ZDHHC3: variants seen among roughly 807,000 people sequenced by gnomAD.
The protein encoded by ZDHHC3 is palmitoyltransferase ZDHHC3.
In ZDHHC3, 9 loss-of-function variants were observed where a neutral mutation model predicts 30.6. That is an observed-to-expected ratio of 0.29 (90% confidence interval 0.18 to 0.51). The LOEUF is 0.51. Ranked by LOEUF, ZDHHC3 falls within the 20% of genes least tolerant of loss-of-function variation. The pLI is 0.97. For missense variants in ZDHHC3, 246 were observed against 384.2 expected, an observed-to-expected ratio of 0.64 and a Z score of 3.01; for synonymous variants, 136 against 140.2, an observed-to-expected ratio of 0.97 and a Z score of 0.21.
At chr3:44,939,313 A>G (rs1176052106) in intron 3 of ZDHHC3, among the ~76,000 whole-genome samples, 1 of 152,230 alleles carries the variant, frequency 6.6e-6, no homozygotes, top group Non-Finnish European at 1.5e-5. Context: ...GTATACATGC[A>G]GAATATATAT....
chr3:44,958,277 C>T (rs1304877618), intron 2 of ZDHHC3, among the ~76,000 whole-genome samples: 1 of 152,170 alleles, frequency 6.6e-6, no homozygotes, highest in Non-Finnish European at 1.5e-5. Flanking sequence ...GAGACAAGAA[C>T]TAGCTCAGGC....
chr3:44,953,174 T>A lies in ZDHHC3; in HGVS notation c.306+5957A>T, dbSNP rs931020243. Among the ~76,000 whole-genome samples, 3 of 152,206 alleles carry A rather than the reference T, an allele frequency of 2.0e-5. No homozygotes were observed. The South Asian group carries it at 6.2e-4, about 31-fold the overall frequency. On this transcript the variant is annotated intron_variant, in intron 2 of 6. Coordinates refer to ENST00000424952, the MANE Select transcript of ZDHHC3 (RefSeq NM_001135179.2). ...GTAACAAAGGCAGGGAAGTCAAGCA[T>A]CTTCCCAAGGTAACACAGCTAATAA...
At chr3:44,953,053 G>A (rs1238945045) in intron 2 of ZDHHC3, among the ~76,000 whole-genome samples, 1 of 152,212 alleles carries the variant, frequency 6.6e-6, no homozygotes, top group African/African-American at 2.4e-5. Context: ...GCCAGGCATA[G>A]TTCCAAATGC....
chr3:44,940,851 G>A (rs965302322), intron 3 of ZDHHC3, among the ~76,000 whole-genome samples: 13 of 152,182 alleles, frequency 8.5e-5, no homozygotes, highest in African/African-American at 2.4e-4. Flanking sequence ...GGAGCTGGCC[G>A]AGGCTCTCTT....
intron 1 of ZDHHC3, among the ~76,000 whole-genome samples, chr3:44,967,000 C>T (rs1705009085): frequency 6.6e-6 from 1 of 151,988 alleles, no homozygotes; most frequent in Non-Finnish European, 1.5e-5. Flanking sequence ...TTGCTACCAA[C>T]AAGTCTACAC....
chr3:44,961,098 G>C (rs72863194), intron 1 of ZDHHC3, among the ~76,000 whole-genome samples: 2 of 152,320 alleles, frequency 1.3e-5, no homozygotes, highest in South Asian at 2.1e-4. Flanking sequence ...CATAGAGATA[G>C]AATAACCATC....
intron 1 of ZDHHC3, among the ~76,000 whole-genome samples, chr3:44,961,620 C>A (rs1486595641): frequency 6.6e-6 from 1 of 152,166 alleles, no homozygotes; most frequent in African/African-American, 2.4e-5. Context: ...CTGACCTGTG[C>A]CCAGCAAATT....
intron 2 of ZDHHC3, among the ~76,000 whole-genome samples, chr3:44,945,800 G>A (rs1055594406): frequency 4.0e-5 from 6 of 151,878 alleles, no homozygotes; most frequent in Non-Finnish European, 7.4e-5. Context: ...CTTGTGATCC[G>A]CCCGCCTCAG....
intron 1 of ZDHHC3, among the ~76,000 whole-genome samples, chr3:44,961,065 T>A (rs113879143): frequency 0.012 from 1,800 of 152,316 alleles, 29 homozygotes; most frequent in African/African-American, 0.04. Context: ...TATCACTGTG[T>A]TAGGGAACAA....
chr3:44,922,076 G>GAA lies in ZDHHC3; in HGVS notation c.*4611_*4612dup, dbSNP rs777980439. The GAA allele has an allele frequency of 2.2e-4, 212 of 985,410 alleles. No individual in the cohort carries two copies. The highest frequency in any genetic ancestry group is 2.5e-4 in the Non-Finnish European group (206 of 829,924). The allele number at this position is 985,410 out of a possible 1,614,324, so 61.0% of individuals were successfully genotyped here. A position where few individuals can be genotyped will look rare whatever the true frequency, so the allele number is the denominator to read the frequency against. On this transcript the variant is annotated 3_prime_UTR_variant, in exon 7 of 7. Transcript: ENST00000424952. ...GATGTTTACTTGAGGGAGAGGGTGA[G>GAA]AAAAAGAAGGTTCAGGTTGGGAGTA... is the stretch of plus-strand genomic sequence containing the variant.
chr3:44,975,768 T>TCACACACACACACA (rs1392636735), intron 1 of ZDHHC3, among the ~76,000 whole-genome samples, 165 bp downstream of exon 1: 8 of 140,814 alleles, frequency 5.7e-5, no homozygotes, highest in Non-Finnish European at 6.0e-5. Flanking sequence ...TCTCTCTCTC[T>TCACACACACACACA]CTCTCACACA....
Position 44,925,045 on chromosome 3 carries a change from A to T in ZDHHC3, c.*1644T>A. ...ATAAATGCATTTTAAAACAAAAAAAATAAAGTATCCTCATTCAAGAGACAG... is the reference window on the plus strand; with the variant it reads ...ATAAATGCATTTTAAAACAAAAAAATTAAAGTATCCTCATTCAAGAGACAG... On this transcript the variant is annotated 3_prime_UTR_variant, in exon 7 of 7. Transcript: ENST00000424952. The T allele has an allele frequency of 1.0e-6, 1 of 985,848 alleles. No individual in the cohort carries two copies. The highest frequency in any genetic ancestry group is 1.2e-6 in the Non-Finnish European group (1 of 829,948). The allele number at this position is 985,848 out of a possible 1,614,324, so 61.1% of individuals were successfully genotyped here.
At chr3:44,948,617 G>C (rs550060676) in intron 2 of ZDHHC3, among the ~76,000 whole-genome samples, 1 of 152,332 alleles carries the variant, frequency 6.6e-6, no homozygotes, top group Admixed American at 6.5e-5. Flanking sequence ...ATGGCCACCA[G>C]TGCGTCAGGA....
At chr3:44,970,638 G>T (rs1196764780) in intron 1 of ZDHHC3, among the ~76,000 whole-genome samples, 2 of 152,060 alleles carry the variant, frequency 1.3e-5, no homozygotes, top group Non-Finnish European at 2.9e-5. Context: ...CTCTTTTCCC[G>T]ATTTGCTAAT....
chr3:44,917,901 ATC>A lies in ZDHHC3; in HGVS notation c.*8786_*8787del, dbSNP rs1162339405. On this transcript the variant is annotated 3_prime_UTR_variant, in exon 7 of 7. Transcript: ENST00000424952. ...TCTCTCCCCACAGCAGCATCTATTC[ATC>A]TGTCACCTCCACAGAGTCCTCGTCC... 5 of 1,302,668 alleles carry A rather than the reference ATC, an allele frequency of 3.8e-6. No homozygotes were observed. Among genetic ancestry groups the A allele is most frequent in the Admixed American group, 2.3e-5 (1 of 43,538 alleles). 80.7% of individuals were successfully genotyped at this position (1,302,668 alleles called of 1,614,324 possible).
rs1700557144 is a variant in ZDHHC3, at chr3:44,921,078, C to T, written c.*5611G>A. ...GAGAACGAACAAAAATGGTTGATGC[C>T]TGGTAAGGGGGTCATAGTCGACACC... On this transcript the variant is annotated 3_prime_UTR_variant, in exon 7 of 7. Coordinates refer to ENST00000424952, the MANE Select transcript of ZDHHC3 (RefSeq NM_001135179.2). 1.0e-6 allele frequency: 1 copy of T among 985,282 alleles called. No homozygotes were observed. Among genetic ancestry groups the T allele is most frequent in the Non-Finnish European group, 1.2e-6 (1 of 829,926 alleles). 61.0% of individuals were successfully genotyped at this position (985,282 alleles called of 1,614,324 possible).
chr3:44,931,988 A>G (rs550716847), intron 5 of ZDHHC3, among the ~76,000 whole-genome samples: 57 of 152,302 alleles, frequency 3.7e-4, no homozygotes, highest in Admixed American at 3.1e-3. Flanking sequence ...CCATTACAAC[A>G]ACAGGGACAT....
chr3:44,974,872 A>G (rs749254535), intron 1 of ZDHHC3, among the ~76,000 whole-genome samples: 3 of 152,080 alleles, frequency 2.0e-5, no homozygotes, highest in Non-Finnish European at 4.4e-5. Context: ...TGCGACCATC[A>G]TAGCTCTAAC....
chr3:44,972,136 A>C (rs944753393), intron 1 of ZDHHC3, among the ~76,000 whole-genome samples: 1 of 152,158 alleles, frequency 6.6e-6, no homozygotes, highest in Non-Finnish European at 1.5e-5. Flanking sequence ...TCTGCTTAGG[A>C]CTGGGAACAG....
Sources: allele counts gnomAD v4.1 joint callset (sites outside exome capture counted in the v4.1 genomes callset), GRCh38; gene constraint gnomAD v4.1.1; transcripts MANE v1.5; gene names NCBI Gene and HGNC (gene_info 2026-07-23, HGNC 2026-07-21).